TMPRSS11D: variants seen among roughly 807,000 people sequenced by gnomAD.
The protein encoded by TMPRSS11D is transmembrane protease serine 11D.
Under a neutral mutation model 44.4 loss-of-function variants are expected in TMPRSS11D, and 32 were observed. The ratio of observed to expected loss-of-function variants is 0.72; its 90% CI spans 0.54 to 0.97. The LOEUF (loss-of-function observed/expected upper bound fraction) is 0.97, where lower values mean the gene tolerates loss of function less well. Among genes scored for constraint, TMPRSS11D ranks in the 50% least tolerant of loss-of-function variants. The pLI, the probability that TMPRSS11D is intolerant of heterozygous loss-of-function variation, is 0.00. For missense variants in TMPRSS11D, 446 were observed against 502.6 expected, an observed-to-expected ratio of 0.89 and a Z score of 1.08; for synonymous variants, 179 against 177.9, an observed-to-expected ratio of 1.01 and a Z score of -0.05.
intron 7 of TMPRSS11D, 77 bp from the exon 8 acceptor site, chr4:67,827,597 C>G (rs774449590): frequency 1.4e-6 from 2 of 1,427,222 alleles, no homozygotes; most frequent in Non-Finnish European, 1.9e-6. Context: ...TCTTAGCCAT[C>G]CTGTACCACT....
chr4:67,848,573 C>T (rs763473495), intron 3 of TMPRSS11D, among the ~76,000 whole-genome samples: 4 of 152,142 alleles, frequency 2.6e-5, no homozygotes, highest in Non-Finnish European at 5.9e-5. Context: ...TGCAGCAATA[C>T]AGTAGAGGGA....
At chr4:67,823,993 T>A (rs1045305962) in intron 9 of TMPRSS11D, among the ~76,000 whole-genome samples, 4 of 152,144 alleles carry the variant, frequency 2.6e-5, no homozygotes, top group Non-Finnish European at 5.9e-5. Context: ...ACTTGCTGAA[T>A]GCAGGGATAG....
intron 8 of TMPRSS11D, among the ~76,000 whole-genome samples, chr4:67,826,663 ATCCTCCCATT>A (rs952823241): frequency 5.3e-5 from 8 of 151,706 alleles, no homozygotes; most frequent in Non-Finnish European, 5.9e-5. Flanking sequence ...TCTAATCTAA[ATCCTCCCATT>A]GCTTTGGGAG....
intron 2 of TMPRSS11D, among the ~76,000 whole-genome samples, chr4:67,858,417 A>G (rs1392869911): frequency 6.6e-6 from 1 of 152,186 alleles, no homozygotes; most frequent in Non-Finnish European, 1.5e-5. Context: ...CTACCTCTGT[A>G]GTTCACCTTA....
intron 1 of TMPRSS11D, among the ~76,000 whole-genome samples, chr4:67,879,503 A>C (rs1419313433): frequency 3.3e-5 from 5 of 151,750 alleles, no homozygotes; most frequent in African/African-American, 1.2e-4. Context: ...AAGCACTTAA[A>C]CTCTGGGGAC....
intron 1 of TMPRSS11D, among the ~76,000 whole-genome samples, chr4:67,879,021 A>G (rs528445664): frequency 5.6e-4 from 86 of 152,300 alleles, no homozygotes; most frequent in African/African-American, 2.0e-3. Context: ...TTATTTTGCC[A>G]TATGATATTA....
chr4:67,843,142 A>G lies in TMPRSS11D; in HGVS notation c.250-517T>C, dbSNP rs1196621666. The stretch of plus-strand genomic sequence containing the variant: ...TTTTTTTTGGTCATTTCTAATTCAT[A>G]CCTAAGCATCAGAGACTATTTTTTT... On this transcript the variant is annotated intron_variant, in intron 3 of 9. Coordinates refer to ENST00000283916, the MANE Select transcript of TMPRSS11D (RefSeq NM_004262.3). Among the ~76,000 whole-genome samples, 4 of 143,616 alleles carry G rather than the reference A, an allele frequency of 2.8e-5. No homozygotes were observed. The Admixed American group carries it at 2.9e-4, about 10-fold the overall frequency. The allele number at this position is 143,616 out of a possible 152,430, so 94.2% of individuals were successfully genotyped here.
intron 7 of TMPRSS11D, among the ~76,000 whole-genome samples, chr4:67,828,994 C>T (rs1221129702): frequency 1.3e-5 from 2 of 152,078 alleles, no homozygotes. Flanking sequence ...TTCTCCATCA[C>T]AACCATGCTC....
chr4:67,841,159 TG>T (rs1698065341), intron 4 of TMPRSS11D, among the ~76,000 whole-genome samples: 2 of 152,132 alleles, frequency 1.3e-5, no homozygotes, highest in Admixed American at 6.6e-5. Context: ...CATATATTCA[TG>T]TTTGGAGGCA....
chr4:67,878,278 A>G (rs1719242456), intron 1 of TMPRSS11D, among the ~76,000 whole-genome samples: 1 of 152,206 alleles, frequency 6.6e-6, no homozygotes, highest in Non-Finnish European at 1.5e-5. Context: ...ACAAATCATA[A>G]TGAAATTACA....
chr4:67,840,309 A>G (rs1304796620), intron 4 of TMPRSS11D, among the ~76,000 whole-genome samples: 1 of 152,018 alleles, frequency 6.6e-6, no homozygotes, highest in Non-Finnish European at 1.5e-5. Context: ...TGGCAGGAAA[A>G]AGAACAGAGC....
At chr4:67,852,288 C>A (rs962444205) in intron 3 of TMPRSS11D, among the ~76,000 whole-genome samples, 3 of 152,052 alleles carry the variant, frequency 2.0e-5, no homozygotes, top group Admixed American at 2.0e-4. Context: ...CATAGAGGAC[C>A]CTGTCATTGG....
intron 9 of TMPRSS11D, among the ~76,000 whole-genome samples, chr4:67,824,559 T>A (rs9985776): frequency 0.15 from 22,642 of 152,032 alleles, 1,785 homozygotes; most frequent in Middle Eastern, 0.23. Flanking sequence ...GATAAAGGAC[T>A]GGGTAATTAA....
chr4:67,847,254 G>A (rs139666132), intron 3 of TMPRSS11D, among the ~76,000 whole-genome samples: 6 of 152,108 alleles, frequency 3.9e-5, no homozygotes, highest in African/African-American at 1.4e-4. Flanking sequence ...TGTTGTGTGT[G>A]TGTATGTGTC....
At chr4:67,825,330 A>G (rs1717765414) in intron 9 of TMPRSS11D, among the ~76,000 whole-genome samples, 1 of 152,092 alleles carries the variant, frequency 6.6e-6, no homozygotes, top group South Asian at 2.1e-4. Context: ...CATTAATAAT[A>G]GTGAAATAGA....
At chr4:67,849,863 C>T (rs934321588) in intron 3 of TMPRSS11D, among the ~76,000 whole-genome samples, 4 of 152,126 alleles carry the variant, frequency 2.6e-5, no homozygotes, top group African/African-American at 9.7e-5. Flanking sequence ...TCTCATTATA[C>T]CACTTTCCAG....
chr4:67,858,230 C>G (rs1441848026), intron 2 of TMPRSS11D, among the ~76,000 whole-genome samples: 4 of 152,058 alleles, frequency 2.6e-5, no homozygotes, highest in African/African-American at 9.7e-5. Context: ...AGTTGGAGAT[C>G]CTGGGGGAAG....
intron 1 of TMPRSS11D, among the ~76,000 whole-genome samples, chr4:67,876,098 A>G (rs931637899): frequency 1.3e-5 from 2 of 152,204 alleles, no homozygotes; most frequent in African/African-American, 4.8e-5. Flanking sequence ...ATGAAACACT[A>G]GTCCTGTCCA....
chr4:67,874,602 G>C (rs2109702907), intron 1 of TMPRSS11D, among the ~76,000 whole-genome samples: 1 of 152,188 alleles, frequency 6.6e-6, no homozygotes, highest in South Asian at 2.1e-4. Flanking sequence ...GGTGAGAAGG[G>C]AGGCACTGTG....
Sources: allele counts gnomAD v4.1 joint callset (sites outside exome capture counted in the v4.1 genomes callset), GRCh38; gene constraint gnomAD v4.1.1; transcripts MANE v1.5; gene names NCBI Gene and HGNC (gene_info 2026-07-23, HGNC 2026-07-21).